CSMD1: variants seen among roughly 807,000 people sequenced by gnomAD.
CSMD1 encodes the protein CUB and sushi domain-containing protein 1.
A neutral mutation model predicts 417.5 loss-of-function variants in CSMD1; 213 were observed. That is an observed-to-expected ratio of 0.51 (90% CI 0.46 to 0.57). The LOEUF (loss-of-function observed/expected upper bound fraction) is 0.57. CSMD1 is among the 20% of genes least tolerant of loss of function. The pLI, the probability that CSMD1 is intolerant of heterozygous loss-of-function variation, is 0.00. For synonymous variants in CSMD1, 2,862 were observed against 1,736.8 expected (o/e 1.65, Z -16.11); for missense variants, 6,923 against 4,529.7 (o/e 1.53, Z -15.17).
intron 8 of CSMD1, 62 bp downstream of exon 8, chr8:3,616,648 A>C: frequency 9.3e-7 from 1 of 1,076,018 alleles, no homozygotes; most frequent in Non-Finnish European, 1.4e-6. Context: ...TTTAACTGCA[A>C]GCTGAAATAA....
At chr8:4,064,309 G>T (rs1799131732) in intron 3 of CSMD1, among the ~76,000 whole-genome samples, 1 of 152,012 alleles carries the variant, frequency 6.6e-6, no homozygotes, top group South Asian at 2.1e-4. Flanking sequence ...AATGTTCCTG[G>T]GCTCCATATG....
chr8:3,709,416 G>A (rs1801368214), intron 6 of CSMD1, among the ~76,000 whole-genome samples: 1 of 152,088 alleles, frequency 6.6e-6, no homozygotes, highest in Non-Finnish European at 1.5e-5. Context: ...TGTGTAAATA[G>A]CTGTGAGGGT....
chr8:4,318,781 T>C (rs756055371), intron 3 of CSMD1, among the ~76,000 whole-genome samples: 5 of 151,754 alleles, frequency 3.3e-5, no homozygotes, highest in Non-Finnish European at 5.9e-5. Flanking sequence ...TATATTGGCA[T>C]TGTATTTACA....
At chr8:3,739,290 G>A (rs1329838956) in intron 6 of CSMD1, among the ~76,000 whole-genome samples, 1 of 152,186 alleles carries the variant, frequency 6.6e-6, no homozygotes, top group African/African-American at 2.4e-5. Flanking sequence ...TCTTTAGAAA[G>A]AATACAAAAT....
chr8:3,274,839 G>C (rs1802151365), intron 26 of CSMD1, among the ~76,000 whole-genome samples: 1 of 152,132 alleles, frequency 6.6e-6, no homozygotes, highest in Admixed American at 6.5e-5. Flanking sequence ...CGTGAGATGT[G>C]TTTCCTGAAT....
intron 1 of CSMD1, among the ~76,000 whole-genome samples, chr8:4,968,316 G>C (rs1175616936): frequency 1.3e-5 from 2 of 151,930 alleles, no homozygotes; most frequent in Non-Finnish European, 2.9e-5. Context: ...GTGACATTAA[G>C]AACATTCACA....
intron 43 of CSMD1, among the ~76,000 whole-genome samples, chr8:3,108,996 G>C (rs1816330627): frequency 6.6e-6 from 1 of 152,206 alleles, no homozygotes. Flanking sequence ...CGGTGCTGGT[G>C]GCTCATGCCT....
At chr8:4,824,447 A>G (rs899461152) in intron 1 of CSMD1, among the ~76,000 whole-genome samples, 2 of 152,128 alleles carry the variant, frequency 1.3e-5, no homozygotes, top group African/African-American at 2.4e-5. Flanking sequence ...AAAATTGTAT[A>G]ATTAAAGAAG....
intron 2 of CSMD1, among the ~76,000 whole-genome samples, chr8:4,451,546 G>GA (rs747110414): frequency 1.2e-4 from 19 of 152,096 alleles, no homozygotes; most frequent in Non-Finnish European, 2.5e-4. Context: ...ACTCTGGAAA[G>GA]GTAAAGGGTG....
intron 3 of CSMD1, among the ~76,000 whole-genome samples, chr8:4,065,071 T>G (rs1308360765): frequency 6.6e-6 from 1 of 152,244 alleles, no homozygotes; most frequent in African/African-American, 2.4e-5. Context: ...GATTATAATT[T>G]TACCGAATAT....
intron 2 of CSMD1, among the ~76,000 whole-genome samples, chr8:4,422,949 T>C (rs1198538245): frequency 6.6e-6 from 1 of 151,878 alleles, no homozygotes; most frequent in Non-Finnish European, 1.5e-5. Context: ...GTAATCTATG[T>C]AGAAAAAAAC....
At chr8:4,648,108 C>G (rs966861171) in intron 1 of CSMD1, among the ~76,000 whole-genome samples, 1 of 152,286 alleles carries the variant, frequency 6.6e-6, no homozygotes, top group East Asian at 1.9e-4. Context: ...AATTGCCATT[C>G]TGACTGGCAT....
chr8:3,844,093 C>T (rs62479952), intron 5 of CSMD1, among the ~76,000 whole-genome samples: 5 of 152,116 alleles, frequency 3.3e-5, no homozygotes, highest in African/African-American at 1.2e-4. Context: ...TCTAAACCTG[C>T]CCCTCCTACC....
intron 1 of CSMD1, among the ~76,000 whole-genome samples, chr8:4,761,848 T>C (rs1160061344): frequency 4.7e-5 from 3 of 64,224 alleles, no homozygotes; most frequent in African/African-American, 1.5e-4. Context: ...TCTATCTATC[T>C]ATCTATCTAT....
chr8:3,257,347 G>A (rs79179440), intron 26 of CSMD1, among the ~76,000 whole-genome samples: 287 of 152,332 alleles, frequency 1.9e-3, no homozygotes, highest in African/African-American at 6.2e-3. Flanking sequence ...AAACTTCTGA[G>A]TGCCTACTGC....
At chr8:4,297,907 A>G (rs549448835) in intron 3 of CSMD1, among the ~76,000 whole-genome samples, 1 of 152,232 alleles carries the variant, frequency 6.6e-6, no homozygotes, top group Non-Finnish European at 1.5e-5. Context: ...AAAAGTATAT[A>G]ATCAGAAAGG....
At chr8:3,687,169 C>T (rs1017175450) in intron 7 of CSMD1, among the ~76,000 whole-genome samples, 1 of 152,236 alleles carries the variant, frequency 6.6e-6, no homozygotes, top group Non-Finnish European at 1.5e-5. Flanking sequence ...TCTGAACGCA[C>T]CTCCGTGCAG....
At chr8:4,632,377 G>A (rs985062249) in intron 2 of CSMD1, among the ~76,000 whole-genome samples, 1 of 143,880 alleles carries the variant, frequency 7.0e-6, no homozygotes. Flanking sequence ...GCCAGGTGTG[G>A]TGGTGCACCC....
At chr8:4,465,125 T>C (rs1010707730) in intron 2 of CSMD1, among the ~76,000 whole-genome samples, 1 of 152,154 alleles carries the variant, frequency 6.6e-6, no homozygotes, top group African/African-American at 2.4e-5. Context: ...AATTTTCCCA[T>C]CTAAGGCTCA....
Sources: allele counts gnomAD v4.1 joint callset (sites outside exome capture counted in the v4.1 genomes callset), GRCh38; gene constraint gnomAD v4.1.1; transcripts MANE v1.5; gene names NCBI Gene and HGNC (gene_info 2026-07-23, HGNC 2026-07-21).